The following ZC3H3 variants were observed in gnomAD, a reference collection of about 807,000 sequenced individuals.
The protein encoded by ZC3H3 is zinc finger CCCH domain-containing protein 3.
A neutral mutation model predicts 77.3 loss-of-function variants in ZC3H3; 36 were observed. That is an observed-to-expected ratio of 0.47 (90% confidence interval 0.36 to 0.61). ZC3H3 has a LOEUF of 0.61. ZC3H3 is among the 20% of genes least tolerant of loss of function. The pLI is 0.00. For missense variants in ZC3H3, 1,331 were observed against 1,312.2 expected (o/e 1.01, Z -0.22); for synonymous variants, 626 against 555.2 (o/e 1.13, Z -1.79).
chr8:143,511,996 C>T (rs980064462), intron 3 of ZC3H3, among the ~76,000 whole-genome samples: 1 of 152,254 alleles, frequency 6.6e-6, no homozygotes, highest in Admixed American at 6.5e-5. Flanking sequence ...GACAGGACGG[C>T]GTGGGGCCCA....
intron 3 of ZC3H3, among the ~76,000 whole-genome samples, chr8:143,528,000 A>G (rs911788227): frequency 6.6e-6 from 1 of 152,224 alleles, no homozygotes; most frequent in Admixed American, 6.5e-5. Flanking sequence ...GCAAAGGTCC[A>G]GGCCTCCAGC....
rs1409878785 is a variant in ZC3H3, at chr8:143,493,782, C to T, written c.1715+13964G>A. Reference sequence around the variant, plus strand: ...TTGCACTCCTTCCTTAATGAGCAGCCGAAGGGATCGGTAAGCATAATTTCA... The same window carrying T: ...TTGCACTCCTTCCTTAATGAGCAGCTGAAGGGATCGGTAAGCATAATTTCA... On this transcript the variant is annotated intron_variant, in intron 4 of 11. Coordinates refer to ENST00000262577, the MANE Select transcript of ZC3H3 (RefSeq NM_015117.3). The surrounding 1 kb of genome is among the most constrained non-coding windows in gnomAD (Gnocchi z 4.8). Among the ~76,000 whole-genome samples the T allele has an allele frequency of 6.6e-6, 1 of 152,024 alleles. No homozygotes were observed. Among genetic ancestry groups the T allele is most frequent in the Non-Finnish European group, 1.5e-5 (1 of 68,028 alleles).
chr8:143,437,901 A>G lies in ZC3H3; in HGVS notation c.*155T>C. 9.5e-7 allele frequency: 1 copy of G among 1,052,656 alleles called. No individual in the cohort carries two copies. The highest frequency in any genetic ancestry group is 1.4e-6 in the Non-Finnish European group (1 of 709,242). 65.2% of individuals were successfully genotyped at this position (1,052,656 alleles called of 1,614,324 possible). A position where few individuals can be genotyped will look rare whatever the true frequency, so the allele number is the denominator to read the frequency against. On this transcript the variant is annotated 3_prime_UTR_variant, in exon 12 of 12. Coordinates refer to ENST00000262577, the MANE Select transcript of ZC3H3 (RefSeq NM_015117.3). ...GGCCCTGCGCACACGCTGGTCATGG[A>G]AGGTTGAGGGCCAGGCAGGCAGAGC...
In ZC3H3 at chr8:143,468,282, C is replaced by G. The variant is rs1363085930; in HGVS notation, c.2106-4G>C. 2 of 1,613,042 alleles carry G rather than the reference C, an allele frequency of 1.2e-6. No individual in the cohort carries two copies. The highest frequency in any genetic ancestry group is 2.2e-5 in the South Asian group (2 of 91,064). On this transcript the variant is annotated splice_polypyrimidine_tract_variant and splice_region_variant and intron_variant, in intron 7 of 11. Transcript: ENST00000262577. ...CTTGCAGGTGCCCCGGACAAACCTG[C>G]AGCACCAGGAGAAACGGGTATGAGG...
At chr8:143,508,963 T>C (rs1189093165) in intron 3 of ZC3H3, among the ~76,000 whole-genome samples, 1 of 152,174 alleles carries the variant, frequency 6.6e-6, no homozygotes, top group African/African-American at 2.4e-5. Context: ...CAACGGACCT[T>C]GAGCAGCCAG....
chr8:143,519,077 C>A (rs1822155153), intron 3 of ZC3H3, among the ~76,000 whole-genome samples: 1 of 152,212 alleles, frequency 6.6e-6, no homozygotes, highest in Non-Finnish European at 1.5e-5. Context: ...GCAGCGAGCA[C>A]TACGCCGGCC....
At chr8:143,541,079 G>A (rs1822997098) in intron 1 of ZC3H3, among the ~76,000 whole-genome samples, 1 of 152,192 alleles carries the variant, frequency 6.6e-6, no homozygotes, top group Non-Finnish European at 1.5e-5. Flanking sequence ...CGGGGGACGC[G>A]ACAGCCCGCG....
In ZC3H3 at chr8:143,440,313, G is replaced by C; in HGVS notation, c.2543C>G (p.Ala848Gly). ...RPTRQTPSSA[A>G]LTAAAVAAPP... ...TGCAGCCACGGCAGCCGCAGTGAGGGCAGCCGAGCTGGGCGTCTGCCTGGT... is the reference window on the plus strand; with the variant it reads ...TGCAGCCACGGCAGCCGCAGTGAGGCCAGCCGAGCTGGGCGTCTGCCTGGT... Residue 848 changes from alanine to glycine, a missense_variant, in exon 11 of 12, where the codon GCC (alanine) becomes GGC (glycine). Ala to Gly is a moderately conservative substitution (Grantham distance 60). Around this residue, in one of 3 missense-constraint regions of ZC3H3, gnomAD observed 249 missense variants for 236.9 expected, o/e 1.05. Coordinates refer to ENST00000262577, the MANE Select transcript of ZC3H3 (RefSeq NM_015117.3). The C allele has an allele frequency of 6.4e-7, 1 of 1,556,824 alleles. No individual in the cohort carries two copies. Among genetic ancestry groups the C allele is most frequent in the Non-Finnish European group, 8.7e-7 (1 of 1,148,418 alleles).
intron 3 of ZC3H3, among the ~76,000 whole-genome samples, chr8:143,512,710 T>G (rs1192426900): frequency 6.6e-6 from 1 of 152,140 alleles, no homozygotes; most frequent in East Asian, 1.9e-4. Context: ...GGCCTCTTCC[T>G]CCGGCACTGC....
chr8:143,470,547 C>T (rs1346247851), intron 5 of ZC3H3, among the ~76,000 whole-genome samples: 2 of 152,208 alleles, frequency 1.3e-5, no homozygotes, highest in Non-Finnish European at 2.9e-5. Flanking sequence ...GTGAGGGACG[C>T]GGCAATGCGG....
intron 4 of ZC3H3, among the ~76,000 whole-genome samples, chr8:143,500,818 A>ATTTT (rs34018737): frequency 7.1e-6 from 1 of 141,106 alleles, no homozygotes; most frequent in East Asian, 2.1e-4. Flanking sequence ...CACAATGTCT[A>ATTTT]TTTTTTTTTT....
intron 4 of ZC3H3, among the ~76,000 whole-genome samples, chr8:143,497,997 A>G (rs551201068): frequency 6.6e-6 from 1 of 152,360 alleles, no homozygotes; most frequent in Admixed American, 6.5e-5. Flanking sequence ...CCACGGGGCC[A>G]TAGCTTCCAT....
chr8:143,534,699 C>T (rs1317971951), intron 3 of ZC3H3, among the ~76,000 whole-genome samples: 1 of 152,006 alleles, frequency 6.6e-6, no homozygotes, highest in Non-Finnish European at 1.5e-5. Context: ...GCCACCCCTA[C>T]CATCCACTCC....
intron 3 of ZC3H3, among the ~76,000 whole-genome samples, 186 bp from the exon 4 acceptor site, chr8:143,508,085 G>A (rs1317929578): frequency 6.6e-6 from 1 of 152,236 alleles, no homozygotes; most frequent in South Asian, 2.1e-4. Flanking sequence ...GGCAGCCGAC[G>A]CTTCAGGAGC....
chr8:143,540,850 G>T (rs551885921), intron 1 of ZC3H3, among the ~76,000 whole-genome samples: 1 of 152,142 alleles, frequency 6.6e-6, no homozygotes, highest in Non-Finnish European at 1.5e-5. Flanking sequence ...CACGTACTCC[G>T]GAGGCTGAGG....
rs1443216497 is a variant in ZC3H3 at position 143,493,666 on chromosome 8, A to G, written c.1715+14080T>C. ...ATTAAGAGTTGCATCCATGCTGTCA[A>G]GCCCCTGCTAGCAGCTTCTGTGGCA... On this transcript the variant is annotated intron_variant, in intron 4 of 11. Transcript: ENST00000262577. This position sits in a 1 kb window ranked among gnomAD's most constrained non-coding sequence, Gnocchi z 4.8. 1.3e-5 allele frequency among the ~76,000 whole-genome samples: 2 copies of G among 152,230 alleles called. No individual in the cohort carries two copies. Among genetic ancestry groups the G allele is most frequent in the Non-Finnish European group, 2.9e-5 (2 of 68,034 alleles).
chr8:143,454,572 AT>A (rs1017522469), intron 9 of ZC3H3, among the ~76,000 whole-genome samples: 6 of 150,242 alleles, frequency 4.0e-5, no homozygotes, highest in Non-Finnish European at 8.9e-5. Context: ...TGCCCAGTTA[AT>A]TTTTTTTGTG....
At chr8:143,486,407 G>A (rs759234209) in intron 4 of ZC3H3, among the ~76,000 whole-genome samples, 10 of 152,196 alleles carry the variant, frequency 6.6e-5, no homozygotes, top group Non-Finnish European at 1.3e-4. Flanking sequence ...GGCTTGTACT[G>A]TCCTCCCGTG....
intron 1 of ZC3H3, among the ~76,000 whole-genome samples, chr8:143,539,762 G>A (rs1200822685): frequency 2.0e-5 from 3 of 152,222 alleles, no homozygotes; most frequent in Non-Finnish European, 2.9e-5. Context: ...TCCACTGAGT[G>A]TAACAGAACT....
Sources: allele counts gnomAD v4.1 joint callset (sites outside exome capture counted in the v4.1 genomes callset), GRCh38; gene constraint gnomAD v4.1.1; regional missense constraint gnomAD v4.1.1; non-coding constraint Gnocchi (gnomAD v3.1); transcripts MANE v1.5; gene names NCBI Gene and HGNC (gene_info 2026-07-23, HGNC 2026-07-21).